Variants in PRIM2 observed in about 807,000 individuals in gnomAD.
PRIM2 encodes DNA primase large subunit.
Under a neutral mutation model 67.3 loss-of-function variants are expected in PRIM2, and 39 were observed. The ratio of observed to expected loss-of-function variants is 0.58; its 90% CI spans 0.45 to 0.76. The LOEUF (loss-of-function observed/expected upper bound fraction) is 0.76. Ranked by LOEUF, PRIM2 falls within the 30% of genes least tolerant of loss-of-function variation. The pLI, the probability that PRIM2 is intolerant of heterozygous loss-of-function variation, is 0.00. For synonymous variants in PRIM2, 143 were observed against 198.7 expected (o/e 0.72, Z 2.36); for missense variants, 398 against 598.7 (o/e 0.66, Z 3.50).
chr6:57,499,746 A>C (rs1774091713), intron 7 of PRIM2, among the ~76,000 whole-genome samples: 1 of 152,226 alleles, frequency 6.6e-6, no homozygotes, highest in Non-Finnish European at 1.5e-5. Flanking sequence ...TCATGAACCT[A>C]GTGATGGGAA....
chr6:57,284,127 T>C, the PRIM2 span, among the ~76,000 whole-genome samples: 4 of 152,096 alleles, frequency 2.6e-5, no homozygotes, highest in African/African-American at 9.7e-5. Flanking sequence ...AAAAAGAACA[T>C]AGAGCAAACT....
chr6:57,273,295 G>A, the PRIM2 span, among the ~76,000 whole-genome samples: 1 of 152,168 alleles, frequency 6.6e-6, no homozygotes, highest in Non-Finnish European at 1.5e-5. Context: ...TTTTCACATA[G>A]TCCCATATTT....
At chr6:57,355,655 CT>C (rs1276657905) in intron 5 of PRIM2, among the ~76,000 whole-genome samples, 3 of 151,034 alleles carry the variant, frequency 2.0e-5, no homozygotes, top group East Asian at 1.9e-4. Context: ...TTACTTTTTT[CT>C]TTTTTTTTGA....
At chr6:57,587,524 C>T (rs1167904023) in intron 10 of PRIM2, among the ~76,000 whole-genome samples, 4 of 151,648 alleles carry the variant, frequency 2.6e-5, no homozygotes, top group Non-Finnish European at 4.4e-5. Context: ...ATTAGCTGGG[C>T]GTGGTGGCGG....
chr6:57,346,247 A>G (rs1271374840), intron 5 of PRIM2, among the ~76,000 whole-genome samples: 1 of 152,144 alleles, frequency 6.6e-6, no homozygotes, highest in Non-Finnish European at 1.5e-5. Flanking sequence ...CTCTCGCTCT[A>G]CTAGAGTCTT....
At chr6:57,354,530 A>G (rs1768965826) in intron 5 of PRIM2, among the ~76,000 whole-genome samples, 1 of 152,060 alleles carries the variant, frequency 6.6e-6, no homozygotes, top group South Asian at 2.1e-4. Flanking sequence ...TCTTAAACCT[A>G]AGAAGCATAA....
At chr6:57,432,762 A>G (rs1771877983) in intron 7 of PRIM2, among the ~76,000 whole-genome samples, 1 of 152,218 alleles carries the variant, frequency 6.6e-6, no homozygotes, top group African/African-American at 2.4e-5. Context: ...AGAACTGAGT[A>G]GTCCTTTGTC....
At chr6:57,583,956 A>C (rs1281446288) in intron 10 of PRIM2, among the ~76,000 whole-genome samples, 4 of 152,392 alleles carry the variant, frequency 2.6e-5, no homozygotes, top group Non-Finnish European at 4.4e-5. Context: ...GTTAGTGAAA[A>C]GTCCAGGAAG....
the PRIM2 span, among the ~76,000 whole-genome samples, chr6:57,226,551 G>A: frequency 2.6e-5 from 4 of 152,214 alleles, no homozygotes; most frequent in Non-Finnish European, 5.9e-5. Flanking sequence ...TGAAGACCTT[G>A]CAGGTCATAT....
chr6:57,539,729 C>T (rs1252023910), intron 10 of PRIM2, among the ~76,000 whole-genome samples: 2 of 151,498 alleles, frequency 1.3e-5, no homozygotes, highest in East Asian at 1.9e-4. Flanking sequence ...CAGGTTGGCT[C>T]ATGCCTGTAA....
intron 5 of PRIM2, among the ~76,000 whole-genome samples, chr6:57,345,587 GT>G (rs199697829): frequency 0.034 from 5,170 of 150,996 alleles, 296 homozygotes; most frequent in African/African-American, 0.12. Flanking sequence ...ATTCTCTGTA[GT>G]TTACCATTTA....
At chr6:57,443,933 A>G (rs1772281453) in intron 7 of PRIM2, among the ~76,000 whole-genome samples, 1 of 151,940 alleles carries the variant, frequency 6.6e-6, no homozygotes, top group East Asian at 1.9e-4. Context: ...TTTTGAGTTG[A>G]TTTTTATATA....
At chr6:57,311,854 C>G (rs1222192747), upstream of PRIM2, among the ~76,000 whole-genome samples, 7 of 152,024 alleles carry the variant, frequency 4.6e-5, no homozygotes, top group African/African-American at 7.2e-5. Context: ...CGGCGAAACC[C>G]CGTCTCCACC....
At chr6:57,640,680 A>AG (rs1192669498) in intron 13 of PRIM2, among the ~76,000 whole-genome samples, 1 of 152,204 alleles carries the variant, frequency 6.6e-6, no homozygotes, top group Non-Finnish European at 1.5e-5. Flanking sequence ...AGGGATGTGA[A>AG]GGACCTCTTG....
intron 5 of PRIM2, among the ~76,000 whole-genome samples, chr6:57,370,481 G>T (rs945907790): frequency 2.6e-5 from 4 of 151,842 alleles, no homozygotes; most frequent in African/African-American, 7.3e-5. Flanking sequence ...TTCCATTTTG[G>T]TTATAACTAA....
chr6:57,524,722 G>A (rs1431629163), intron 8 of PRIM2, among the ~76,000 whole-genome samples: 2 of 151,642 alleles, frequency 1.3e-5, no homozygotes, highest in African/African-American at 4.8e-5. Flanking sequence ...AAAAAAGGAT[G>A]CTTTTATATA....
chr6:57,477,442 G>A (rs1273975678), intron 7 of PRIM2, among the ~76,000 whole-genome samples: 9 of 152,054 alleles, frequency 5.9e-5, no homozygotes, highest in African/African-American at 9.7e-5. Flanking sequence ...GTCAAATATC[G>A]TACAATATTA....
the PRIM2 span, among the ~76,000 whole-genome samples, chr6:57,266,596 T>C: frequency 2.0e-5 from 3 of 152,222 alleles, no homozygotes; most frequent in Non-Finnish European, 4.4e-5. Context: ...CAGCCAAATA[T>C]GTTTTTCATG....
intron 10 of PRIM2, 66 bp downstream of exon 10, chr6:57,537,691 C>T: frequency 1.6e-5 from 17 of 1,053,822 alleles, no homozygotes; most frequent in Non-Finnish European, 2.1e-5. Flanking sequence ...ATGAAACGGT[C>T]TATTTTTTTT....
Sources: allele counts gnomAD v4.1 joint callset (sites outside exome capture counted in the v4.1 genomes callset), GRCh38; gene constraint gnomAD v4.1.1; transcripts MANE v1.5; gene names NCBI Gene and HGNC (gene_info 2026-07-23, HGNC 2026-07-21).